The following CA12 variants were observed in gnomAD, a reference collection of about 807,000 sequenced individuals.
CA12 encodes the protein carbonic anhydrase 12.
CA12 carries 36 observed loss-of-function variants against 46.8 expected under a neutral mutation model. The observed-to-expected ratio is 0.77, with a 90% CI of 0.59 to 1.02. CA12 has a LOEUF of 1.02. Ranked by LOEUF, CA12 falls within the 50% of genes least tolerant of loss-of-function variation. CA12 has a pLI of 0.00. For synonymous variants in CA12, 202 were observed against 187.0 expected (o/e 1.08, Z -0.65); for missense variants, 436 against 451.4 (o/e 0.97, Z 0.31).
Position 63,341,183 on chromosome 15 carries a change from A to T in CA12, c.526-400T>A, listed in dbSNP as rs2039074238. Among the ~76,000 whole-genome samples, 1 of 152,172 alleles carries T rather than the reference A, an allele frequency of 6.6e-6. No homozygotes were observed. Among genetic ancestry groups the T allele is most frequent in the Non-Finnish European group, 1.5e-5 (1 of 68,034 alleles). ...GGTACATACAGCCTCATTAGGAAAA[A>T]AAAACATGCAAGCCAATCAGAAGAC... is the stretch of plus-strand genomic sequence containing the variant. On this transcript the variant is annotated intron_variant, in intron 5 of 10. Transcript: ENST00000178638. The surrounding 1 kb of genome is among the most constrained non-coding windows in gnomAD (Gnocchi z 5.2).
chr15:63,342,146 G>A, intron 4 of CA12, 49 bp from the exon 5 acceptor site: 1 of 1,234,926 alleles, frequency 8.1e-7, no homozygotes, highest in Non-Finnish European at 1.2e-6. Context: ...ACTCATGGGA[G>A]CCTGTCGCTT....
chr15:63,353,767 A>G (rs2039262906), intron 2 of CA12, among the ~76,000 whole-genome samples: 1 of 152,182 alleles, frequency 6.6e-6, no homozygotes, highest in African/African-American at 2.4e-5. Context: ...GGCTGGTCTC[A>G]GACTCCTGGG....
rs1567055439 is a variant in CA12, at chr15:63,372,575, T to C, written c.106+3083A>G. 4.6e-5 allele frequency among the ~76,000 whole-genome samples: 7 copies of C among 152,238 alleles called. No homozygotes were observed. Among genetic ancestry groups the C allele is most frequent in the Admixed American group, 3.3e-4 (5 of 15,288 alleles). ...GTGCAAAGAAGCTGAGTTCTGCACATGAGCCACCATGCCCAGCACGGAGCC... is the reference window on the plus strand; with the variant it reads ...GTGCAAAGAAGCTGAGTTCTGCACACGAGCCACCATGCCCAGCACGGAGCC... On this transcript the variant is annotated intron_variant, in intron 2 of 10. Transcript: ENST00000178638. This position sits in a 1 kb window ranked among gnomAD's most constrained non-coding sequence, Gnocchi z 4.5.
intron 2 of CA12, chr15:63,375,323 C>T: frequency 8.3e-6 from 2 of 239,702 alleles, no homozygotes; most frequent in Non-Finnish European, 1.6e-5. Context: ...GAGAAAGGCT[C>T]TCTCCTGCCC....
intron 1 of CA12, 36 bp from the exon 2 acceptor site, chr15:63,375,714 G>C: frequency 1.3e-6 from 2 of 1,533,120 alleles, no homozygotes; most frequent in Non-Finnish European, 1.8e-6. Flanking sequence ...AAGTACAATG[G>C]AACCAGATGA....
rs1008026924 is a variant in CA12, at chr15:63,330,736, A to G, written c.875-2606T>C. 1.3e-5 allele frequency among the ~76,000 whole-genome samples: 2 copies of G among 152,132 alleles called. No individual in the cohort carries two copies. The highest frequency in any genetic ancestry group is 4.8e-5 in the African/African-American group (2 of 41,420). On this transcript the variant is annotated intron_variant, in intron 8 of 10. Transcript: ENST00000178638. This position sits in a 1 kb window ranked among gnomAD's most constrained non-coding sequence, Gnocchi z 4.0. Reference sequence around the variant, plus strand: ...CCTGCGTGGTGGCTTCTCTGGAGGGAGAGTCTGGCTTCCCCCGGTTATTAC... The same window carrying G: ...CCTGCGTGGTGGCTTCTCTGGAGGGGGAGTCTGGCTTCCCCCGGTTATTAC...
intron 8 of CA12, among the ~76,000 whole-genome samples, chr15:63,334,930 C>G (rs767707597): frequency 6.6e-6 from 1 of 152,190 alleles, no homozygotes; most frequent in Non-Finnish European, 1.5e-5. Flanking sequence ...TCAGGGATAA[C>G]CATCATCACA....
chr15:63,328,614 G>A lies in CA12; in HGVS notation c.875-484C>T, dbSNP rs898251368. Among the ~76,000 whole-genome samples the A allele has an allele frequency of 2.0e-5, 3 of 152,138 alleles. No homozygotes were observed. The highest frequency in any genetic ancestry group is 1.9e-4 in the East Asian group (1 of 5,186). On this transcript the variant is annotated intron_variant, in intron 8 of 10. Coordinates refer to ENST00000178638, the MANE Select transcript of CA12 (RefSeq NM_001218.5). The surrounding 1 kb of genome is among the most constrained non-coding windows in gnomAD (Gnocchi z 5.9). The stretch of plus-strand genomic sequence containing the variant: ...CTTCCAAAGTGTTGGGATTATAGGC[G>A]TGAGCCCCTGCGCCCGGCCCCGATG...
At chr15:63,349,578 C>T (rs1019239222) in intron 2 of CA12, among the ~76,000 whole-genome samples, 7 of 152,192 alleles carry the variant, frequency 4.6e-5, no homozygotes, top group African/African-American at 1.7e-4. Context: ...ATCCTTATAA[C>T]TCTATAACCT....
In CA12 at chr15:63,372,757, G is replaced by A. The variant is rs987828091; in HGVS notation, c.106+2901C>T. On this transcript the variant is annotated intron_variant, in intron 2 of 10. Transcript: ENST00000178638. The surrounding 1 kb of genome is among the most constrained non-coding windows in gnomAD (Gnocchi z 4.5). ...GAGGAGCTAGCCAAGACCTCAGGAG[G>A]AGTTTGCCTCCTTAGCTGTCTTCCA... 6.6e-6 allele frequency among the ~76,000 whole-genome samples: 1 copy of A among 152,204 alleles called. No homozygotes were observed. The highest frequency in any genetic ancestry group is 1.5e-5 in the Non-Finnish European group (1 of 68,016).
chr15:63,346,457 A>G, intron 3 of CA12, 73 bp downstream of exon 3: 1 of 1,199,972 alleles, frequency 8.3e-7, no homozygotes, highest in South Asian at 1.2e-5. Context: ...TCCCTGCCAG[A>G]TGGAAAAGGA....
At chr15:63,364,937 CTGG>C (rs1265514297) in intron 2 of CA12, among the ~76,000 whole-genome samples, 1 of 152,238 alleles carries the variant, frequency 6.6e-6, no homozygotes, top group African/African-American at 2.4e-5. Flanking sequence ...AGCAACTGCA[CTGG>C]TGTGTGTGTG....
chr15:63,368,662 C>T (rs1264098123), intron 2 of CA12, among the ~76,000 whole-genome samples: 1 of 152,234 alleles, frequency 6.6e-6, no homozygotes, highest in African/African-American at 2.4e-5. Context: ...CACCTGAATG[C>T]CCGGGGCTCA....
In CA12 at chr15:63,340,734, T is replaced by A. The variant is rs771040822; in HGVS notation, c.575A>T (p.His192Leu). 8.1e-6 allele frequency: 13 copies of A among 1,614,024 alleles called. No individual in the cohort carries two copies. In the Admixed American group the frequency reaches 2.0e-4, roughly 25 times the overall value. The part of the protein sequence containing the change: ...SYDKIFSHLQ[H>L]VKYKGQEAFV... ...GGACCCCTCACCTTTGTACTTTACATGTTGAAGGTGACTGAAGATCTTGTC... is the reference window on the plus strand; with the variant it reads ...GGACCCCTCACCTTTGTACTTTACAAGTTGAAGGTGACTGAAGATCTTGTC... Residue 192 changes from histidine (H) to leucine (L), a missense_variant, in exon 6 of 11, where the codon CAT becomes CTT. His to Leu is a moderately conservative substitution (Grantham distance 99). Transcript: ENST00000178638. This position sits in a 1 kb window ranked among gnomAD's most constrained non-coding sequence, Gnocchi z 4.4.
At chr15:63,353,141 A>G (rs2152620599) in intron 2 of CA12, among the ~76,000 whole-genome samples, 1 of 152,248 alleles carries the variant, frequency 6.6e-6, no homozygotes, top group South Asian at 2.1e-4. Context: ...ATAACAAGTA[A>G]ACCAATGCAC....
At chr15:63,342,545 CTG>C (rs1164498071) in intron 4 of CA12, among the ~76,000 whole-genome samples, 2 of 152,264 alleles carry the variant, frequency 1.3e-5, no homozygotes, top group African/African-American at 2.4e-5. Context: ...AGAGAATAGA[CTG>C]TAAATATTTC....
intron 3 of CA12, 130 bp downstream of exon 3, chr15:63,346,399 AC>A: frequency 5.7e-6 from 4 of 705,626 alleles, no homozygotes; most frequent in South Asian, 1.5e-5. Context: ...TCTCAAAGAC[AC>A]CCCCGCCCCG....
Position 63,348,254 on chromosome 15 carries a change from G to A in CA12, c.107-1545C>T, listed in dbSNP as rs1349650872. ...TCACTGGACACCAGTCTTCTCACTT[G>A]GGCATGGCAGAGTCTCCGCTGAGCT... On this transcript the variant is annotated intron_variant, in intron 2 of 10. Coordinates refer to ENST00000178638, the MANE Select transcript of CA12 (RefSeq NM_001218.5). This position sits in a 1 kb window ranked among gnomAD's most constrained non-coding sequence, Gnocchi z 4.6. Among the ~76,000 whole-genome samples, 1 of 152,132 alleles carries A rather than the reference G, an allele frequency of 6.6e-6. No individual in the cohort carries two copies. Among genetic ancestry groups the A allele is most frequent in the Non-Finnish European group, 1.5e-5 (1 of 68,032 alleles).
rs148760931 is a variant in CA12 at position 63,345,822 on chromosome 15, C to T, written c.287-203G>A. Among the ~76,000 whole-genome samples the T allele has an allele frequency of 7.7e-4, 118 of 152,308 alleles. No individual in the cohort carries two copies. Among genetic ancestry groups the T allele is most frequent in the African/African-American group, 2.7e-3 (114 of 41,554 alleles). On this transcript the variant is annotated intron_variant, in intron 3 of 10. Coordinates refer to ENST00000178638, the MANE Select transcript of CA12 (RefSeq NM_001218.5). This position sits in a 1 kb window ranked among gnomAD's most constrained non-coding sequence, Gnocchi z 4.3. ...CTTTCCCTGAGAATGTTCCCTTTTC[C>T]CCAAAGCAACTCCAGTGGCACCAGC...
Sources: allele counts gnomAD v4.1 joint callset (sites outside exome capture counted in the v4.1 genomes callset), GRCh38; gene constraint gnomAD v4.1.1; non-coding constraint Gnocchi (gnomAD v3.1); transcripts MANE v1.5; gene names NCBI Gene and HGNC (gene_info 2026-07-23, HGNC 2026-07-21).